Variants in TENM3 observed in about 807,000 individuals in gnomAD.
TENM3 encodes teneurin-3.
Under a neutral mutation model 255.1 loss-of-function variants are expected in TENM3, and 63 were observed. The ratio of observed to expected loss-of-function variants is 0.25; its 90% CI spans 0.20 to 0.30. TENM3 has a LOEUF of 0.30. Ranked by LOEUF, TENM3 falls within the 10% of genes least tolerant of loss-of-function variation. The probability of loss-of-function intolerance (pLI) is 1.00; values close to 1 mark genes in which losing one functional copy is unlikely to be tolerated. For missense variants in TENM3, 2,929 were observed against 3,461.1 expected (o/e 0.85, Z 3.86); for synonymous variants, 1,306 against 1,322.3 (o/e 0.99, Z 0.27).
At chr4:181,643,370 T>C in the TENM3 span, among the ~76,000 whole-genome samples, 1 of 152,228 alleles carries the variant, frequency 6.6e-6, no homozygotes, top group African/African-American at 2.4e-5. Flanking sequence ...AAGTTGCTTA[T>C]CAGCTTAAGG....
At chr4:182,348,039 C>T (rs1580242661) in intron 3 of TENM3, among the ~76,000 whole-genome samples, 1 of 152,144 alleles carries the variant, frequency 6.6e-6, no homozygotes, top group Non-Finnish European at 1.5e-5. Context: ...GAAGCAGCAC[C>T]TAAGGCTTAT....
the TENM3 span, among the ~76,000 whole-genome samples, chr4:181,818,375 C>A: frequency 0.031 from 4,710 of 152,184 alleles, 119 homozygotes; most frequent in South Asian, 0.082. Flanking sequence ...ATAAATTCTG[C>A]CTGGGTACTG....
intron 3 of TENM3, among the ~76,000 whole-genome samples, chr4:182,455,140 G>A (rs569550407): frequency 1.3e-5 from 2 of 152,292 alleles, no homozygotes; most frequent in African/African-American, 4.8e-5. Context: ...ATCAAAAATA[G>A]TTCGTTCAGG....
At chr4:182,344,215 CT>C (rs1223072043) in intron 2 of TENM3, among the ~76,000 whole-genome samples, 1 of 152,068 alleles carries the variant, frequency 6.6e-6, no homozygotes, top group Non-Finnish European at 1.5e-5. Context: ...TAGTGAGTGG[CT>C]TTAACCTGAG....
chr4:182,098,883 C>A, the TENM3 span, among the ~76,000 whole-genome samples: 2 of 151,828 alleles, frequency 1.3e-5, no homozygotes, highest in South Asian at 2.1e-4. Flanking sequence ...TTCCAGCTAC[C>A]CTGATTTGAT....
the TENM3 span, among the ~76,000 whole-genome samples, chr4:181,870,150 T>C: frequency 6.6e-6 from 1 of 152,216 alleles, no homozygotes; most frequent in Non-Finnish European, 1.5e-5. Flanking sequence ...TTGTTGAGTA[T>C]GACAGTAGTC....
intron 3 of TENM3, among the ~76,000 whole-genome samples, chr4:182,500,429 T>C (rs1736199995): frequency 6.6e-6 from 1 of 152,142 alleles, no homozygotes. Context: ...TTAATGAAAT[T>C]GAAGAGCAGT....
At chr4:182,003,508 A>T in the TENM3 span, among the ~76,000 whole-genome samples, 23 of 152,138 alleles carry the variant, frequency 1.5e-4, no homozygotes, top group African/African-American at 5.6e-4. Context: ...ATATATTTAA[A>T]ACTAAGTAAA....
the TENM3 span, among the ~76,000 whole-genome samples, chr4:182,103,910 T>C: frequency 6.6e-6 from 1 of 152,168 alleles, no homozygotes; most frequent in Non-Finnish European, 1.5e-5. Flanking sequence ...TTTTATCGGG[T>C]GTTCTTTGTA....
At chr4:182,009,987 C>T in the TENM3 span, among the ~76,000 whole-genome samples, 7 of 152,162 alleles carry the variant, frequency 4.6e-5, no homozygotes, top group African/African-American at 1.7e-4. Flanking sequence ...GGCCACCACA[C>T]CACACTGCTC....
chr4:182,231,322 C>T (rs1013250242), intron 1 of TENM3, among the ~76,000 whole-genome samples: 4 of 151,978 alleles, frequency 2.6e-5, no homozygotes, highest in Admixed American at 2.6e-4. Context: ...GCAGTTGAGT[C>T]AGATTAGCTT....
In TENM3 at chr4:182,288,548, C is replaced by T. The variant is rs905563607; in HGVS notation, c.-75-35398C>T. Reference sequence around the variant, plus strand: ...CACGTGGTGGGTTTTCAATAAACAGCGGTTGAATGAGTGGATGGATAGATT... The same window carrying T: ...CACGTGGTGGGTTTTCAATAAACAGTGGTTGAATGAGTGGATGGATAGATT... On this transcript the variant is annotated intron_variant, in intron 1 of 27. Coordinates refer to ENST00000511685, the MANE Select transcript of TENM3 (RefSeq NM_001080477.4). Among the ~76,000 whole-genome samples, 7 of 152,122 alleles carry T rather than the reference C, an allele frequency of 4.6e-5. No homozygotes were observed. In the South Asian group the frequency reaches 6.2e-4, roughly 14 times the overall value.
the TENM3 span, among the ~76,000 whole-genome samples, chr4:182,026,389 T>C: frequency 6.6e-6 from 1 of 152,260 alleles, no homozygotes; most frequent in Admixed American, 6.5e-5. Flanking sequence ...AGTTTACTAA[T>C]ATATTCACCC....
chr4:181,987,300 C>T, the TENM3 span, among the ~76,000 whole-genome samples: 3 of 152,124 alleles, frequency 2.0e-5, no homozygotes, highest in Non-Finnish European at 4.4e-5. Context: ...ATGAACAAAG[C>T]TTCCTTTGCA....
At chr4:181,989,650 T>C in the TENM3 span, among the ~76,000 whole-genome samples, 14 of 152,166 alleles carry the variant, frequency 9.2e-5, no homozygotes, top group Admixed American at 6.6e-5. Flanking sequence ...TGGCTGTCTA[T>C]GCACATAAAA....
the TENM3 span, among the ~76,000 whole-genome samples, chr4:181,709,940 A>C: frequency 6.6e-6 from 1 of 152,166 alleles, no homozygotes; most frequent in African/African-American, 2.4e-5. Flanking sequence ...GAGAGACTGA[A>C]GAAGAAGTGT....
chr4:182,246,689 G>A (rs1757674917), intron 1 of TENM3, among the ~76,000 whole-genome samples: 1 of 151,606 alleles, frequency 6.6e-6, no homozygotes, highest in Admixed American at 6.6e-5. Flanking sequence ...CGTCTTGACT[G>A]TATTCATAAG....
chr4:181,793,284 T>A, the TENM3 span, among the ~76,000 whole-genome samples: 2 of 152,170 alleles, frequency 1.3e-5, no homozygotes, highest in Non-Finnish European at 2.9e-5. Flanking sequence ...AGGCAAAATC[T>A]TCACCTGGTG....
chr4:181,476,115 A>G, the TENM3 span, among the ~76,000 whole-genome samples: 4 of 152,164 alleles, frequency 2.6e-5, no homozygotes, highest in Non-Finnish European at 4.4e-5. Flanking sequence ...CTGGGCAAAA[A>G]TGTTTAAGCT....
Sources: allele counts gnomAD v4.1 joint callset (sites outside exome capture counted in the v4.1 genomes callset), GRCh38; gene constraint gnomAD v4.1.1; transcripts MANE v1.5; gene names NCBI Gene and HGNC (gene_info 2026-07-23, HGNC 2026-07-21).